The following PARD3B variants were observed in gnomAD, a reference collection of about 807,000 sequenced individuals.
The protein encoded by PARD3B is partitioning defective 3 homolog B.
PARD3B carries 103 observed loss-of-function variants against 130.2 expected under a neutral mutation model. The observed-to-expected ratio is 0.79, with a 90% confidence interval of 0.67 to 0.93. PARD3B has a LOEUF of 0.93. Ranked by LOEUF, PARD3B falls within the 40% of genes least tolerant of loss-of-function variation. The probability of loss-of-function intolerance (pLI) is 0.00; values close to 1 mark genes in which losing one functional copy is unlikely to be tolerated. For missense variants in PARD3B, 1,609 were observed against 1,499.2 expected (o/e 1.07, Z -1.21); for synonymous variants, 583 against 553.2 (o/e 1.05, Z -0.76).
chr2:204,736,207 A>G (rs2039742382), intron 2 of PARD3B, among the ~76,000 whole-genome samples: 1 of 152,016 alleles, frequency 6.6e-6, no homozygotes, highest in Non-Finnish European at 1.5e-5. Flanking sequence ...CTGATTTTTA[A>G]ATTTAGATTA....
chr2:205,380,268 ATAT>A (rs1248833391), intron 18 of PARD3B, among the ~76,000 whole-genome samples: 1 of 18,372 alleles, frequency 5.4e-5, no homozygotes, highest in African/African-American at 2.6e-4. Flanking sequence ...TAAAGAATAT[ATAT>A]TATATAATAT....
chr2:205,406,345 G>A (rs2046415731), intron 19 of PARD3B, among the ~76,000 whole-genome samples: 1 of 152,046 alleles, frequency 6.6e-6, no homozygotes, highest in African/African-American at 2.4e-5. Flanking sequence ...TTTAAGAGAG[G>A]TAGTATTCAG....
chr2:205,368,688 G>T (rs1284527136), intron 18 of PARD3B, among the ~76,000 whole-genome samples: 3 of 151,966 alleles, frequency 2.0e-5, no homozygotes, highest in Non-Finnish European at 4.4e-5. Flanking sequence ...ATCCCCTATT[G>T]GCAGGTACAA....
chr2:205,275,140 TCAA>T (rs1328492623), intron 16 of PARD3B, among the ~76,000 whole-genome samples: 1 of 150,966 alleles, frequency 6.6e-6, no homozygotes, highest in East Asian at 1.9e-4. Flanking sequence ...TAATCACAAA[TCAA>T]ACCCAAGGCC....
intron 18 of PARD3B, among the ~76,000 whole-genome samples, chr2:205,387,812 A>G (rs1193840829): frequency 1.4e-4 from 22 of 152,190 alleles, no homozygotes; most frequent in Admixed American, 1.4e-3. Flanking sequence ...GCTCTGGGTA[A>G]TGGTTGCCAG....
chr2:205,485,717 T>C (rs552233855), intron 20 of PARD3B, among the ~76,000 whole-genome samples: 85 of 152,134 alleles, frequency 5.6e-4, no homozygotes, highest in Non-Finnish European at 1.1e-3. Flanking sequence ...TATTTCCCAG[T>C]TTCTCCACAC....
intron 2 of PARD3B, among the ~76,000 whole-genome samples, chr2:204,908,564 A>G (rs1484387285): frequency 2.0e-5 from 3 of 152,204 alleles, no homozygotes; most frequent in Non-Finnish European, 2.9e-5. Context: ...GTGACTTAGC[A>G]TTTGCTTAAT....
At chr2:205,319,116 T>C (rs1370326732) in intron 18 of PARD3B, among the ~76,000 whole-genome samples, 1 of 152,166 alleles carries the variant, frequency 6.6e-6, no homozygotes, top group East Asian at 1.9e-4. Flanking sequence ...CAATAGCCTC[T>C]CCCGTGACCT....
chr2:205,427,289 A>C (rs944809321), intron 19 of PARD3B, among the ~76,000 whole-genome samples: 2 of 152,254 alleles, frequency 1.3e-5, no homozygotes, highest in Non-Finnish European at 2.9e-5. Context: ...CAGTGGTAAC[A>C]ATATGGACTG....
intron 3 of PARD3B, among the ~76,000 whole-genome samples, chr2:204,998,343 T>C (rs1053756298): frequency 2.4e-5 from 2 of 84,000 alleles, no homozygotes; most frequent in African/African-American, 1.1e-4. Flanking sequence ...TATATATATA[T>C]ATATATATAT....
rs1382926427 is a variant in PARD3B at position 205,258,443 on chromosome 2, C to A, written c.2185+12621C>A. 6.6e-6 allele frequency among the ~76,000 whole-genome samples: 1 copy of A among 152,114 alleles called. No individual in the cohort carries two copies. The highest frequency in any genetic ancestry group is 2.4e-5 in the African/African-American group (1 of 41,418). ...TGACCACCCTATCTAAAATAGTCAC[C>A]CAACAAGAAGCCAGTTTCTCTCACC... On this transcript the variant is annotated intron_variant, in intron 16 of 22. Transcript: ENST00000406610. The surrounding 1 kb of genome is among the most constrained non-coding windows in gnomAD (Gnocchi z 4.9).
intron 2 of PARD3B, among the ~76,000 whole-genome samples, chr2:204,924,971 G>A (rs1474770855): frequency 2.0e-5 from 3 of 150,354 alleles, no homozygotes; most frequent in South Asian, 2.2e-4. Context: ...ATACACACAC[G>A]CAATCTGATA....
intron 16 of PARD3B, among the ~76,000 whole-genome samples, chr2:205,264,801 CTT>C (rs1366840210): frequency 4.0e-5 from 6 of 150,912 alleles, no homozygotes; most frequent in African/African-American, 1.5e-4. Context: ...AGGGTTTTCT[CTT>C]TTTGTTGTTT....
chr2:204,657,882 TA>T (rs1559034833), intron 1 of PARD3B, among the ~76,000 whole-genome samples: 1 of 152,134 alleles, frequency 6.6e-6, no homozygotes, highest in Non-Finnish European at 1.5e-5. Context: ...CCTTAATTCT[TA>T]AAAAAAGTAA....
chr2:204,872,560 T>C (rs562697556), intron 2 of PARD3B, among the ~76,000 whole-genome samples: 23 of 152,144 alleles, frequency 1.5e-4, no homozygotes, highest in Non-Finnish European at 2.9e-4. Context: ...TTATTCAGTG[T>C]GTTTAAGTCC....
In PARD3B at chr2:204,546,057, C is replaced by A; in HGVS notation, c.58C>A (p.Gln20Lys). The A allele has an allele frequency of 6.4e-7, 1 of 1,564,544 alleles. No homozygotes were observed. ...TGIVVPCKEG[Q>K]LRVGELTQQA... Reference sequence around the variant, plus strand: ...CATCGTGGTGCCCTGCAAGGAGGGCCAGCTGCGCGTCGGCGAGCTCACCCA... The same window carrying A: ...CATCGTGGTGCCCTGCAAGGAGGGCAAGCTGCGCGTCGGCGAGCTCACCCA... The change falls in exon 1 of 23, where the codon CAG (glutamine) becomes AAG (lysine). Residue 20 changes from glutamine to lysine, a missense_variant. Gln to Lys is a moderately conservative substitution (Grantham distance 53). Coordinates refer to ENST00000406610, the MANE Select transcript of PARD3B (RefSeq NM_001302769.2).
At chr2:204,755,391 G>A (rs540686558) in intron 2 of PARD3B, among the ~76,000 whole-genome samples, 1 of 152,180 alleles carries the variant, frequency 6.6e-6, no homozygotes, top group African/African-American at 2.4e-5. Flanking sequence ...CCCTTCAGAT[G>A]TCATTTAGAA....
rs1702076429 is a variant in PARD3B, at chr2:205,091,079, T to G, written c.505-13347T>G. Among the ~76,000 whole-genome samples, 1 of 152,198 alleles carries G rather than the reference T, an allele frequency of 6.6e-6. No homozygotes were observed. The highest frequency in any genetic ancestry group is 1.5e-5 in the Non-Finnish European group (1 of 68,040). On this transcript the variant is annotated intron_variant, in intron 4 of 22. Coordinates refer to ENST00000406610, the MANE Select transcript of PARD3B (RefSeq NM_001302769.2). This position sits in a 1 kb window ranked among gnomAD's most constrained non-coding sequence, Gnocchi z 4.2. ...TTATAAATATGTAAATTAAGCAATC[T>G]GATTATAGTACACCTTGGCTGCTTC...
At chr2:204,713,980 A>C (rs1450242112) in intron 2 of PARD3B, among the ~76,000 whole-genome samples, 1 of 152,198 alleles carries the variant, frequency 6.6e-6, no homozygotes, top group Admixed American at 6.5e-5. Flanking sequence ...GTCAGTGTAC[A>C]GAGGTAGGAA....
Sources: allele counts gnomAD v4.1 joint callset (sites outside exome capture counted in the v4.1 genomes callset), GRCh38; gene constraint gnomAD v4.1.1; non-coding constraint Gnocchi (gnomAD v3.1); transcripts MANE v1.5; gene names NCBI Gene and HGNC (gene_info 2026-07-23, HGNC 2026-07-21).